PPP1R9A: variants seen among roughly 807,000 people sequenced by gnomAD.
PPP1R9A encodes protein phosphatase 1 regulatory subunit 9A, also known as neurabin-1.
Under a neutral mutation model 141.9 loss-of-function variants are expected in PPP1R9A, and 59 were observed. That is an observed-to-expected ratio of 0.42 (90% CI 0.34 to 0.52). The LOEUF is 0.52. Among genes scored for constraint, PPP1R9A ranks in the 20% least tolerant of loss-of-function variants. The pLI is 0.10. For synonymous variants in PPP1R9A, 500 were observed against 569.7 expected, an observed-to-expected ratio of 0.88 and a Z score of 1.74; for missense variants, 1,444 against 1,611.9, an observed-to-expected ratio of 0.90 and a Z score of 1.78.
At chr7:95,202,406 G>A (rs1290178703) in intron 6 of PPP1R9A, among the ~76,000 whole-genome samples, 1 of 151,760 alleles carries the variant, frequency 6.6e-6, no homozygotes, top group African/African-American at 2.4e-5. Context: ...TAAAAAGGAG[G>A]ATCCTATTTA....
chr7:94,977,964 T>G (rs765162861), intron 2 of PPP1R9A, among the ~76,000 whole-genome samples: 2 of 151,712 alleles, frequency 1.3e-5, no homozygotes, highest in Non-Finnish European at 2.9e-5. Flanking sequence ...GATTTCACCA[T>G]ATTGGCCAGG....
At chr7:95,194,985 T>G (rs1257160233) in intron 5 of PPP1R9A, among the ~76,000 whole-genome samples, 1 of 152,068 alleles carries the variant, frequency 6.6e-6, no homozygotes, top group Non-Finnish European at 1.5e-5. Context: ...TATATGGAAT[T>G]GCAGAGGAAA....
chr7:95,056,197 A>G (rs955795989), intron 2 of PPP1R9A, among the ~76,000 whole-genome samples: 1 of 152,100 alleles, frequency 6.6e-6, no homozygotes. Context: ...CTTGATACCT[A>G]TGGATTTGTG....
At chr7:95,029,547 C>A (rs981351247) in intron 2 of PPP1R9A, among the ~76,000 whole-genome samples, 1 of 152,082 alleles carries the variant, frequency 6.6e-6, no homozygotes, top group East Asian at 1.9e-4. Context: ...GAAGGGAGCC[C>A]AGAAGGTCTG....
intron 8 of PPP1R9A, among the ~76,000 whole-genome samples, chr7:95,228,206 T>C (rs1272130297): frequency 6.6e-6 from 1 of 152,182 alleles, no homozygotes; most frequent in Non-Finnish European, 1.5e-5. Flanking sequence ...ACTGACATTA[T>C]CTCAATCAGT....
chr7:95,265,558 C>T lies in PPP1R9A; in HGVS notation c.2666-2992C>T, dbSNP rs118108892. ...TACACATTTTCCTTCCGTGTACACACGTGTCCTCTAATACTGTTAAGGGAG... is the reference window on the plus strand; with the variant it reads ...TACACATTTTCCTTCCGTGTACACATGTGTCCTCTAATACTGTTAAGGGAG... On this transcript the variant is annotated intron_variant, in intron 12 of 19. Transcript: ENST00000433360. Among the ~76,000 whole-genome samples the T allele has an allele frequency of 4.3e-3, 650 of 152,292 alleles. 2 individuals carry two copies. Among genetic ancestry groups the T allele is most frequent in the Non-Finnish European group, 7.1e-3 (480 of 68,028 alleles).
chr7:94,994,483 T>A (rs1487274863), intron 2 of PPP1R9A, among the ~76,000 whole-genome samples: 1 of 152,198 alleles, frequency 6.6e-6, no homozygotes, highest in Non-Finnish European at 1.5e-5. Flanking sequence ...TTTTAAAAAA[T>A]GTACTTTTTA....
chr7:94,984,663 A>G (rs1450560954), intron 2 of PPP1R9A, among the ~76,000 whole-genome samples: 2 of 151,810 alleles, frequency 1.3e-5, no homozygotes, highest in South Asian at 4.2e-4. Context: ...TATTTCCTTG[A>G]GATCGGTGGT....
intron 3 of PPP1R9A, among the ~76,000 whole-genome samples, chr7:95,115,706 C>G (rs2152461957): frequency 6.6e-6 from 1 of 152,006 alleles, no homozygotes; most frequent in Middle Eastern, 3.4e-3. Flanking sequence ...ATCACGAAAT[C>G]AGGAGGCTGA....
At chr7:95,093,745 A>G (rs1817658922) in intron 2 of PPP1R9A, among the ~76,000 whole-genome samples, 1 of 152,194 alleles carries the variant, frequency 6.6e-6, no homozygotes, top group African/African-American at 2.4e-5. Flanking sequence ...TGACATAAAC[A>G]TTACATCTAT....
chr7:95,273,985 G>A lies in PPP1R9A; in HGVS notation c.3211G>A (p.Gly1071Arg), dbSNP rs1342333294. 4.0e-6 allele frequency: 6 copies of A among 1,503,980 alleles called. No individual in the cohort carries two copies. Among genetic ancestry groups the A allele is most frequent in the South Asian group, 3.4e-5 (3 of 88,030 alleles). The allele number at this position is 1,503,980 out of a possible 1,614,324, so 93.2% of individuals were successfully genotyped here. The part of the protein sequence containing the change: ...GKIKRKFVDL[G>R]APLRRNSSKG... ...AATTAAGCGGAAGTTTGTGGATCTG[G>A]GGTAAGCACTTCACGATGTAAAAAG... The change falls in exon 15 of 20, where the codon GGG becomes AGG. Residue 1071 changes from glycine to arginine, a missense_variant and splice_region_variant. Gly to Arg is a moderately radical substitution (Grantham distance 125). Coordinates refer to ENST00000433360, the MANE Select transcript of PPP1R9A (RefSeq NM_001166160.2).
intron 2 of PPP1R9A, among the ~76,000 whole-genome samples, chr7:95,049,390 G>A (rs1006797931): frequency 6.6e-6 from 1 of 152,108 alleles, no homozygotes; most frequent in Non-Finnish European, 1.5e-5. Flanking sequence ...TTACTTTTTA[G>A]AGCAGTTTTA....
chr7:94,914,502 A>G (rs1401894511), intron 2 of PPP1R9A, among the ~76,000 whole-genome samples: 1 of 152,140 alleles, frequency 6.6e-6, no homozygotes, highest in Non-Finnish European at 1.5e-5. Flanking sequence ...CCTATCTTTC[A>G]CAGACAGTTA....
intron 6 of PPP1R9A, among the ~76,000 whole-genome samples, chr7:95,199,807 T>C (rs879233303): frequency 6.6e-6 from 1 of 152,220 alleles, no homozygotes. Context: ...TTTGAACTTG[T>C]ATCTTACCTG....
chr7:95,278,937 G>A (rs1486766210), intron 16 of PPP1R9A, among the ~76,000 whole-genome samples: 6 of 151,898 alleles, frequency 4.0e-5, no homozygotes, highest in South Asian at 2.1e-4. Flanking sequence ...ACACACACCC[G>A]CCCCTCACAT....
chr7:95,124,676 T>G (rs1223359527), intron 4 of PPP1R9A, among the ~76,000 whole-genome samples: 1 of 151,412 alleles, frequency 6.6e-6, no homozygotes, highest in East Asian at 1.9e-4. Context: ...GATTCTGTAT[T>G]ATTGTTTTCT....
At chr7:94,949,335 A>C (rs1409007541) in intron 2 of PPP1R9A, among the ~76,000 whole-genome samples, 3 of 152,114 alleles carry the variant, frequency 2.0e-5, no homozygotes, top group African/African-American at 7.2e-5. Flanking sequence ...GGGAGGAGGA[A>C]TAGGAGCAAT....
At chr7:95,289,172 A>C (rs1161889111) in intron 19 of PPP1R9A, among the ~76,000 whole-genome samples, 3 of 152,076 alleles carry the variant, frequency 2.0e-5, no homozygotes, top group African/African-American at 7.2e-5. Context: ...TTTTTCCCCA[A>C]ATATGTACAC....
chr7:94,975,356 G>GTTTTTTT (rs68186534), intron 2 of PPP1R9A, among the ~76,000 whole-genome samples: 13 of 120,754 alleles, frequency 1.1e-4, no homozygotes, highest in South Asian at 3.0e-4. Context: ...GTTTTTTTTT[G>GTTTTTTT]TTTTTTTTTT....
Sources: gnomAD v4.1 joint callset for allele counts (sites outside exome capture counted in the v4.1 genomes callset) on GRCh38, gnomAD v4.1.1 for gene constraint, MANE v1.5 for transcripts, NCBI Gene and HGNC (gene_info 2026-07-23, HGNC 2026-07-21) for gene names.